Variants in DZIP1 observed in about 807,000 individuals in gnomAD.
DZIP1 encodes the protein DAZ interacting zinc finger protein 1, also known as cilium assembly protein DZIP1.
Under a neutral mutation model 107.6 loss-of-function variants are expected in DZIP1, and 97 were observed. The ratio of observed to expected loss-of-function variants is 0.90; its 90% CI spans 0.77 to 1.07. DZIP1 has a LOEUF of 1.07. Among genes scored for constraint, DZIP1 ranks in the 50% least tolerant of loss-of-function variants. DZIP1 has a pLI of 0.00. For synonymous variants in DZIP1, 390 were observed against 386.4 expected, an observed-to-expected ratio of 1.01 and a Z score of -0.11; for missense variants, 1,035 against 1,063.6, an observed-to-expected ratio of 0.97 and a Z score of 0.37.
chr13:95,641,954 G>A lies in DZIP1; in HGVS notation c.36+40C>T, dbSNP rs562909421. On this transcript the variant is annotated intron_variant, in intron 4 of 22. Transcript: ENST00000376829. This position sits in a 1 kb window ranked among gnomAD's most constrained non-coding sequence, Gnocchi z 4.3. ...GGGAAGCCCCGGTTCTCCCCAGCCCGGCATCCCCGTCGGGGGCGCCCCGGC... is the reference window on the plus strand; with the variant it reads ...GGGAAGCCCCGGTTCTCCCCAGCCCAGCATCCCCGTCGGGGGCGCCCCGGC... 4.1e-5 allele frequency: 64 copies of A among 1,560,102 alleles called. 1 individual carries two copies. In the African/African-American group the frequency reaches 7.8e-4, roughly 19 times the overall value.
rs910684334 is a variant in DZIP1, at chr13:95,622,613, G to A, written c.973-133C>T. 16 of 879,826 alleles carry A rather than the reference G, an allele frequency of 1.8e-5. No individual in the cohort carries two copies. The African/African-American group carries it at 2.0e-4, about 11-fold the overall frequency. The allele number at this position is 879,826 out of a possible 1,614,324, so 54.5% of individuals were successfully genotyped here. On this transcript the variant is annotated intron_variant, in intron 8 of 22. Transcript: ENST00000376829. ...TGGACGCTCCTGGACGCTCTTGGACGCTTCTCCTGCTTCTGCTTCCCTGTG... is the reference window on the plus strand; with the variant it reads ...TGGACGCTCCTGGACGCTCTTGGACACTTCTCCTGCTTCTGCTTCCCTGTG...
Position 95,585,280 on chromosome 13 carries a change from C to T in DZIP1, c.2350-370G>A, listed in dbSNP as rs563978072. The stretch of plus-strand genomic sequence containing the variant: ...CCTCTGTGATAATAATGACATCTAA[C>T]TGTGGGTACATCAGACCAACCGAAT... On this transcript the variant is annotated intron_variant, in intron 21 of 22. Coordinates refer to ENST00000376829, the MANE Select transcript of DZIP1 (RefSeq NM_198968.4). 3.9e-5 allele frequency among the ~76,000 whole-genome samples: 6 copies of T among 152,292 alleles called. No homozygotes were observed. In the South Asian group the frequency reaches 6.2e-4, roughly 16 times the overall value.
intron 5 of DZIP1, among the ~76,000 whole-genome samples, chr13:95,637,634 CT>C (rs1877970726): frequency 1.4e-5 from 2 of 142,516 alleles, no homozygotes; most frequent in South Asian, 2.2e-4. Context: ...CTCTCTCTCT[CT>C]CTCTCTCTCT....
intron 20 of DZIP1, 121 bp downstream of exon 20, chr13:95,587,418 G>A (rs1178995824): frequency 3.9e-5 from 53 of 1,356,824 alleles, no homozygotes; most frequent in Non-Finnish European, 5.1e-5. Context: ...GTGCCTTTGG[G>A]ATCCGCTGCA....
rs1001617483 is a variant in DZIP1 at position 95,578,616 on chromosome 13, G to A, written c.*3618C>T. The A allele has an allele frequency of 3.3e-5, 5 of 152,182 alleles. No individual in the cohort carries two copies. Among genetic ancestry groups the A allele is most frequent in the African/African-American group, 1.2e-4 (5 of 41,432 alleles). 9.4% of individuals were successfully genotyped at this position (152,182 alleles called of 1,614,324 possible). Reference sequence around the variant, plus strand: ...ATCAGAGAGGATCTTGCTCATTCATGGCCATATCCACATGCCCATGGCCAC... The same window carrying A: ...ATCAGAGAGGATCTTGCTCATTCATAGCCATATCCACATGCCCATGGCCAC... On this transcript the variant is annotated 3_prime_UTR_variant, in exon 23 of 23. Transcript: ENST00000376829.
intron 11 of DZIP1, 115 bp from the exon 12 acceptor site, chr13:95,611,608 G>A (rs2045008990): frequency 1.2e-6 from 1 of 858,934 alleles, no homozygotes; most frequent in Non-Finnish European, 1.9e-6. Flanking sequence ...AATTATCCAG[G>A]GACATAGGGC....
At chr13:95,644,192 A>G (rs1171828479) in intron 1 of DZIP1, among the ~76,000 whole-genome samples, 185 bp downstream of exon 1, 1 of 152,202 alleles carries the variant, frequency 6.6e-6, no homozygotes, top group Non-Finnish European at 1.5e-5. Flanking sequence ...CGCGGGTTCC[A>G]GGGGAACCTC....
chr13:95,642,150 G>A lies in DZIP1; in HGVS notation c.-121C>T. The A allele has an allele frequency of 7.6e-7, 1 of 1,322,250 alleles. No homozygotes were observed. The highest frequency in any genetic ancestry group is 9.9e-7 in the Non-Finnish European group (1 of 1,009,448). The allele number at this position is 1,322,250 out of a possible 1,614,324, so 81.9% of individuals were successfully genotyped here. A position where few individuals can be genotyped will look rare whatever the true frequency, so the allele number is the denominator to read the frequency against. On this transcript the variant is annotated 5_prime_UTR_variant, in exon 4 of 23. Coordinates refer to ENST00000376829, the MANE Select transcript of DZIP1 (RefSeq NM_198968.4). The stretch of plus-strand genomic sequence containing the variant: ...CCGCGGCGGCGGCGGCCTAAGGTCT[G>A]GGCGTCCAGGACGTTGCTATAGCAG...
At chr13:95,635,345 C>T (rs562793971) in intron 5 of DZIP1, among the ~76,000 whole-genome samples, 40 of 151,946 alleles carry the variant, frequency 2.6e-4, no homozygotes, top group African/African-American at 7.5e-4. Flanking sequence ...TACAGGTGCC[C>T]GCCACCACTC....
At chr13:95,584,287 A>T (rs1349453186) in intron 22 of DZIP1, among the ~76,000 whole-genome samples, 5 of 75,520 alleles carry the variant, frequency 6.6e-5, no homozygotes, top group African/African-American at 2.0e-4. Flanking sequence ...AAAAAAAAAA[A>T]AAATAAAAGA....
At chr13:95,610,118 G>GAGAGAGAGAGACAGAGAC (rs1566390409) in intron 12 of DZIP1, among the ~76,000 whole-genome samples, 1 of 145,654 alleles carries the variant, frequency 6.9e-6, no homozygotes, top group Admixed American at 6.8e-5. Context: ...GTGTGAGAGA[G>GAGAGAGAGAGACAGAGAC]AGACAGAGAG....
chr13:95,617,220 A>G (rs909502014), intron 10 of DZIP1, among the ~76,000 whole-genome samples: 1 of 152,002 alleles, frequency 6.6e-6, no homozygotes, highest in Middle Eastern at 3.2e-3. Flanking sequence ...AAAAAAAGAA[A>G]TAAGAAGTCC....
intron 5 of DZIP1, among the ~76,000 whole-genome samples, chr13:95,636,460 T>C (rs1159331933): frequency 6.6e-6 from 1 of 151,006 alleles, no homozygotes; most frequent in African/African-American, 2.4e-5. Flanking sequence ...GGAGAATCGC[T>C]TGAACCTGGG....
chr13:95,614,176 G>T (rs376453318), intron 10 of DZIP1, among the ~76,000 whole-genome samples: 3 of 149,042 alleles, frequency 2.0e-5, no homozygotes, highest in Non-Finnish European at 4.4e-5. Flanking sequence ...GCACAGCCTT[G>T]CCTCTGAAAT....
intron 17 of DZIP1, 108 bp downstream of exon 17, chr13:95,590,171 C>T (rs1277710068): frequency 9.3e-6 from 11 of 1,177,830 alleles, no homozygotes; most frequent in Non-Finnish European, 1.2e-5. Context: ...GTTTGTTAAC[C>T]ATTTAAAATT....
At chr13:95,604,482 C>G (rs1594676818) in intron 14 of DZIP1, among the ~76,000 whole-genome samples, 1 of 152,304 alleles carries the variant, frequency 6.6e-6, no homozygotes, top group East Asian at 1.9e-4. Flanking sequence ...CCAGGTCTGG[C>G]TGGCATTTAA....
chr13:95,634,396 T>C (rs1341575089), intron 5 of DZIP1, among the ~76,000 whole-genome samples: 1 of 146,648 alleles, frequency 6.8e-6, no homozygotes, highest in Non-Finnish European at 1.5e-5. Flanking sequence ...TGTACTTCAC[T>C]TGTTTATTGT....
chr13:95,593,898 A>G, intron 16 of DZIP1, 46 bp downstream of exon 16: 1 of 1,568,766 alleles, frequency 6.4e-7, no homozygotes, highest in East Asian at 2.3e-5. Flanking sequence ...TTTAGAAAAC[A>G]AAACACAGCA....
intron 15 of DZIP1, among the ~76,000 whole-genome samples, chr13:95,594,558 C>A (rs780280340): frequency 2.6e-5 from 4 of 151,976 alleles, no homozygotes; most frequent in Non-Finnish European, 4.4e-5. Context: ...CCAGCACTTT[C>A]GGAGGTTAAG....
Sources: allele counts gnomAD v4.1 joint callset (sites outside exome capture counted in the v4.1 genomes callset), GRCh38; gene constraint gnomAD v4.1.1; non-coding constraint Gnocchi (gnomAD v3.1); transcripts MANE v1.5; gene names NCBI Gene and HGNC (gene_info 2026-07-23, HGNC 2026-07-21).